The following ACP1 variants were observed in gnomAD, a reference collection of about 807,000 sequenced individuals.
ACP1 encodes the protein acid phosphatase 1.
A neutral mutation model predicts 23.4 loss-of-function variants in ACP1; 23 were observed. The observed-to-expected ratio is 0.98, with a 90% confidence interval of 0.71 to 1.39. The LOEUF (loss-of-function observed/expected upper bound fraction) is 1.39. ACP1 is among the 40% of genes most tolerant of loss of function. The pLI, the probability that ACP1 is intolerant of heterozygous loss-of-function variation, is 0.00. For missense variants in ACP1, 180 were observed against 197.7 expected, an observed-to-expected ratio of 0.91 and a Z score of 0.54; for synonymous variants, 72 against 67.2, an observed-to-expected ratio of 1.07 and a Z score of -0.35.
intron 1 of ACP1, chr2:265,237 C>T: frequency 8.1e-6 from 4 of 496,770 alleles, no homozygotes. Flanking sequence ...GCCATATATC[C>T]GGGGCTCTTG....
chr2:265,924 A>G (rs1005189789), intron 1 of ACP1, among the ~76,000 whole-genome samples: 8 of 152,180 alleles, frequency 5.3e-5, no homozygotes, highest in African/African-American at 1.7e-4. Flanking sequence ...CTGGGTGCCC[A>G]TTATGCATTT....
intron 4 of ACP1, chr2:275,558 C>A: frequency 6.2e-6 from 1 of 160,072 alleles, no homozygotes; most frequent in Non-Finnish European, 1.4e-5. Context: ...TATTGATTCT[C>A]AGGTCAAAGC....
intron 1 of ACP1, 91 bp from the exon 2 acceptor site, chr2:271,775 C>G: frequency 1.0e-6 from 1 of 980,750 alleles, no homozygotes; most frequent in Non-Finnish European, 1.6e-6. Flanking sequence ...ATAGCACAGC[C>G]CCCGTGTGTC....
chr2:275,185 G>A lies in ACP1; in HGVS notation c.277G>A (p.Asp93Asn). The part of the protein sequence containing the change: ...FATFDYILCM[D>N]ESNLRDLNRK... ...CACATTTGATTATATACTATGTATG[G>A]ATGAAAGCAATCTGAGGTAATCCTG... Residue 93 changes from aspartate (D) to asparagine (N), a missense_variant, in exon 4 of 6, where the codon GAT becomes AAT. Transcript: ENST00000272065. The A allele has an allele frequency of 6.5e-7, 1 of 1,539,038 alleles. No individual in the cohort carries two copies.
chr2:272,172 T>TCC, intron 3 of ACP1, 22 bp downstream of exon 3: 3 of 1,614,024 alleles, frequency 1.9e-6, no homozygotes, highest in Non-Finnish European at 1.7e-6. Flanking sequence ...GGACTTGAAG[T>TCC]TGTGTGTTTT....
intron 3 of ACP1, chr2:272,728 A>G (rs901893360): frequency 2.6e-5 from 5 of 194,738 alleles, no homozygotes; most frequent in African/African-American, 1.2e-4. Context: ...AATACCAGCA[A>G]CATTATGGAT....
In ACP1 at chr2:268,788, C is replaced by T. The variant is rs554502983; in HGVS notation, c.44-3078C>T. Among the ~76,000 whole-genome samples, 31 of 152,296 alleles carry T rather than the reference C, an allele frequency of 2.0e-4. No homozygotes were observed. In the East Asian group the frequency reaches 3.7e-3, roughly 18 times the overall value. ...CTGTTTTTAGAACTTGTTTGATAGGCGAAACCTGAAGTACATGCAGTGTTT... is the reference window on the plus strand; with the variant it reads ...CTGTTTTTAGAACTTGTTTGATAGGTGAAACCTGAAGTACATGCAGTGTTT... On this transcript the variant is annotated intron_variant, in intron 1 of 5. Transcript: ENST00000272065.
At chr2:271,376 A>G (rs1670026889) in intron 1 of ACP1, among the ~76,000 whole-genome samples, 1 of 152,042 alleles carries the variant, frequency 6.6e-6, no homozygotes, top group East Asian at 1.9e-4. Flanking sequence ...TGGGCTCCAC[A>G]TTCTCAGGGG....
chr2:277,249 C>G lies in ACP1; in HGVS notation c.422C>G (p.Thr141Arg). ...TAGGGGAATGACTCTGACTTTGAGA[C>G]GGTGTACCAGCAGTGTGTCAGGTGC... ...PYYGNDSDFE[T>R]VYQQCVRCCR... The change falls in exon 6 of 6, where the codon ACG (threonine) becomes AGG (arginine). Residue 141 changes from threonine (T) to arginine (R), a missense_variant. Coordinates refer to ENST00000272065, the MANE Select transcript of ACP1 (RefSeq NM_004300.4). 1 of 1,613,802 alleles carries G rather than the reference C, an allele frequency of 6.2e-7. No individual in the cohort carries two copies. Among genetic ancestry groups the G allele is most frequent in the Non-Finnish European group, 8.5e-7 (1 of 1,180,026 alleles).
At chr2:272,481 C>T (rs1403586387) in intron 3 of ACP1, 1 of 1,433,328 alleles carries the variant, frequency 7.0e-7, no homozygotes, top group African/African-American at 1.4e-5. Context: ...ACTTGCCTGA[C>T]TTTGGAATTT....
At chr2:273,135 T>A (rs945215389) in intron 3 of ACP1, 2 of 153,458 alleles carry the variant, frequency 1.3e-5, no homozygotes, top group East Asian at 1.9e-4. Flanking sequence ...CCAGAGTGAG[T>A]GAGAGCGAGA....
rs563593642 is a variant in ACP1, at chr2:278,092, T to A, written c.*788T>A. The A allele has an allele frequency of 2.0e-5, 3 of 152,374 alleles. No homozygotes were observed. Among genetic ancestry groups the A allele is most frequent in the Admixed American group, 6.5e-5 (1 of 15,306 alleles). The allele number at this position is 152,374 out of a possible 1,614,324, so 9.4% of individuals were successfully genotyped here. A position where few individuals can be genotyped will look rare whatever the true frequency, so the allele number is the denominator to read the frequency against. ...GTCCAATATAAATTGGCTTATTTTT[T>A]AAAATAATTTTAAAAGTTGGGAAAA... is the stretch of plus-strand genomic sequence containing the variant. On this transcript the variant is annotated 3_prime_UTR_variant, in exon 6 of 6. Coordinates refer to ENST00000272065, the MANE Select transcript of ACP1 (RefSeq NM_004300.4).
rs369263208 is a variant in ACP1 at position 275,541 on chromosome 2, AGT to A, written c.293+343_293+344del. On this transcript the variant is annotated intron_variant, in intron 4 of 5. Transcript: ENST00000272065. Reference sequence around the variant, plus strand: ...TGCTGTAATGATTCCTGGGCAGGGCAGTGTTTTATTGATTCTCAGGTCAAAGC... The same window carrying A: ...TGCTGTAATGATTCCTGGGCAGGGCAGTTTTATTGATTCTCAGGTCAAAGC... The A allele has an allele frequency of 9.1e-5, 15 of 164,478 alleles. No homozygotes were observed. In the East Asian group the frequency reaches 1.7e-3, roughly 19 times the overall value. 10.2% of individuals were successfully genotyped at this position (164,478 alleles called of 1,614,324 possible). A position where few individuals can be genotyped will look rare whatever the true frequency, so the allele number is the denominator to read the frequency against.
intron 1 of ACP1, among the ~76,000 whole-genome samples, chr2:270,845 G>A (rs985202853): frequency 9.9e-5 from 7 of 70,904 alleles, no homozygotes; most frequent in Non-Finnish European, 5.4e-5. Context: ...ACTTGCTTTG[G>A]CTGTTTTGTT....
At chr2:271,481 A>G (rs912105326) in intron 1 of ACP1, among the ~76,000 whole-genome samples, 8 of 152,186 alleles carry the variant, frequency 5.3e-5, no homozygotes, top group African/African-American at 1.9e-4. Flanking sequence ...GGGACAGACC[A>G]CTGTATTTTA....
chr2:272,829 C>T (rs1356056875), intron 3 of ACP1: 1 of 156,210 alleles, frequency 6.4e-6, no homozygotes, highest in Non-Finnish European at 1.4e-5. Flanking sequence ...ATAACCTTGT[C>T]TTTATATTAT....
At chr2:275,777 C>T (rs1276131719) in intron 4 of ACP1, among the ~76,000 whole-genome samples, 4 of 152,184 alleles carry the variant, frequency 2.6e-5, no homozygotes, top group African/African-American at 4.8e-5. Flanking sequence ...ATGTTCAAGG[C>T]GTCATCGGGA....
At chr2:271,428 TA>T (rs1475626321) in intron 1 of ACP1, among the ~76,000 whole-genome samples, 1 of 152,046 alleles carries the variant, frequency 6.6e-6, no homozygotes, top group Non-Finnish European at 1.5e-5. Context: ...GTATACTGGG[TA>T]GGGGTGGGAG....
intron 3 of ACP1, chr2:273,009 C>A (rs1299741900): frequency 1.9e-5 from 3 of 154,404 alleles, no homozygotes; most frequent in African/African-American, 2.4e-5. Flanking sequence ...TTTCTACTGG[C>A]CATTGTTGAA....
Sources: allele counts gnomAD v4.1 joint callset (sites outside exome capture counted in the v4.1 genomes callset), GRCh38; gene constraint gnomAD v4.1.1; transcripts MANE v1.5; gene names NCBI Gene and HGNC (gene_info 2026-07-23, HGNC 2026-07-21).